The following VPS8 variants were observed in gnomAD, a reference collection of about 807,000 sequenced individuals.
VPS8 encodes the protein VPS8 subunit of CORVET complex.
VPS8 carries 129 observed loss-of-function variants against 216.4 expected under a neutral mutation model. The observed-to-expected ratio is 0.60, with a 90% CI of 0.52 to 0.69. The LOEUF is 0.69. VPS8 is among the 30% of genes least tolerant of loss of function. VPS8 has a pLI of 0.00. For synonymous variants in VPS8, 571 were observed against 565.4 expected (o/e 1.01, Z -0.14); for missense variants, 1,531 against 1,683.5 (o/e 0.91, Z 1.59).
chr3:184,877,366 T>G lies in VPS8; in HGVS notation c.1734+6561T>G, dbSNP rs1386467227. On this transcript the variant is annotated intron_variant, in intron 21 of 47. Transcript: ENST00000625842. ...TGCCCAGCATCTGGTTCAGTGTCCTTGATAAATAGTTGTTGAGAGAATTTT... is the reference window on the plus strand; with the variant it reads ...TGCCCAGCATCTGGTTCAGTGTCCTGGATAAATAGTTGTTGAGAGAATTTT... Among the ~76,000 whole-genome samples the G allele has an allele frequency of 2.0e-5, 3 of 152,220 alleles. No individual in the cohort carries two copies. The East Asian group carries it at 5.8e-4, about 29-fold the overall frequency.
chr3:185,046,756 T>C (rs547669252), intron 46 of VPS8, among the ~76,000 whole-genome samples: 1 of 152,228 alleles, frequency 6.6e-6, no homozygotes, highest in Non-Finnish European at 1.5e-5. Context: ...AAACTGAGAC[T>C]GAGAGAAGCT....
intron 3 of VPS8, among the ~76,000 whole-genome samples, chr3:184,830,454 T>TCA (rs3040915): frequency 0.095 from 14,075 of 147,740 alleles, 765 homozygotes; most frequent in African/African-American, 0.15. Flanking sequence ...GTTTATCAGT[T>TCA]CACACACACA....
At position 185,023,749 on chromosome 3, in the gene VPS8, A is replaced by G. The variant is rs533691032; in HGVS notation, c.4003-587A>G. ...CCTTTTAACCTATTTGAGCCTTCAT[A>G]TTTAGATGGTGTTTCTTGTAGGCAG... On this transcript the variant is annotated intron_variant, in intron 45 of 47. Coordinates refer to ENST00000625842, the MANE Select transcript of VPS8 (RefSeq NM_001009921.3). Among the ~76,000 whole-genome samples the G allele has an allele frequency of 8.5e-5, 13 of 152,308 alleles. No individual in the cohort carries two copies. The South Asian group carries it at 2.7e-3, about 32-fold the overall frequency.
intron 46 of VPS8, among the ~76,000 whole-genome samples, chr3:185,045,513 G>T (rs965455496): frequency 6.6e-6 from 1 of 152,044 alleles, no homozygotes; most frequent in African/African-American, 2.4e-5. Flanking sequence ...ACTCATGCCT[G>T]TAATCCCAGC....
At chr3:185,047,301 A>G (rs368421954) in intron 46 of VPS8, among the ~76,000 whole-genome samples, 1 of 152,278 alleles carries the variant, frequency 6.6e-6, no homozygotes, top group East Asian at 1.9e-4. Flanking sequence ...TGTGTGCATT[A>G]CCTTCTTGAA....
intron 35 of VPS8, among the ~76,000 whole-genome samples, chr3:184,939,695 T>C (rs912455730): frequency 6.6e-6 from 1 of 152,202 alleles, no homozygotes; most frequent in Non-Finnish European, 1.5e-5. Context: ...TGCAGTTTGA[T>C]TGGCATCTCT....
At chr3:184,846,315 C>A (rs1246084979) in intron 8 of VPS8, among the ~76,000 whole-genome samples, 1 of 152,142 alleles carries the variant, frequency 6.6e-6, no homozygotes. Flanking sequence ...TAATTTACTT[C>A]CCTGTCTTAG....
rs774174468 is a variant in VPS8, at chr3:184,870,742, A to T, written c.1671A>T (p.Ala557=). The change falls in exon 21 of 48, where the codon GCA becomes GCT. Residue 557 remains alanine (A), a synonymous_variant. Coordinates refer to ENST00000625842, the MANE Select transcript of VPS8 (RefSeq NM_001009921.3). ...TGGTAGAAATCCTATTCCATTATGCAGATCGAGCTCTGAAAAAGTGCCCAG... is the reference window on the plus strand; with the variant it reads ...TGGTAGAAATCCTATTCCATTATGCTGATCGAGCTCTGAAAAAGTGCCCAG... ...DRMVEILFHY[A]DRALKKCPDQ... 6 of 1,612,438 alleles carry T rather than the reference A, an allele frequency of 3.7e-6. No individual in the cohort carries two copies. The highest frequency in any genetic ancestry group is 5.1e-6 in the Non-Finnish European group (6 of 1,179,168).
chr3:185,044,888 C>A (rs962506412), intron 46 of VPS8, among the ~76,000 whole-genome samples: 2 of 152,170 alleles, frequency 1.3e-5, no homozygotes, highest in Non-Finnish European at 2.9e-5. Context: ...TGAGAGCAAA[C>A]TGTGTTGTGG....
chr3:184,967,304 G>A (rs138119642), intron 39 of VPS8, among the ~76,000 whole-genome samples: 10 of 152,146 alleles, frequency 6.6e-5, no homozygotes, highest in Non-Finnish European at 1.5e-4. Context: ...ACAAAAGTAT[G>A]GTTTAGTTAT....
Position 184,996,397 on chromosome 3 carries a change from A to C in VPS8, c.3732A>C (p.Arg1244Ser), listed in dbSNP as rs1752618560. The change falls in exon 44 of 48, where the codon AGA becomes AGC. Residue 1244 changes from arginine to serine, a missense_variant. By Grantham distance (110) the Arg-to-Ser change is moderately radical. This residue lies in a region of VPS8 where 1,318 missense variants were observed against 1,468.4 expected (regional missense o/e 0.90). Transcript: ENST00000625842. ...TCCATTGGTCATTGTGTAACCTGAG[A>C]GCTTCGGTCACCAGAGGACTGAATC... ...QDLHWSLCNL[R>S]ASVTRGLNPK... The C allele has an allele frequency of 6.8e-6, 11 of 1,613,954 alleles. No individual in the cohort carries two copies. Among genetic ancestry groups the C allele is most frequent in the Non-Finnish European group, 9.3e-6 (11 of 1,179,854 alleles).
intron 1 of VPS8, among the ~76,000 whole-genome samples, chr3:184,822,842 T>C (rs11925545): frequency 1.3e-5 from 2 of 152,210 alleles, no homozygotes; most frequent in African/African-American, 4.8e-5. Flanking sequence ...GAAAGATACT[T>C]TAAAATGTTG....
intron 45 of VPS8, among the ~76,000 whole-genome samples, chr3:185,002,826 C>T (rs1753597269): frequency 6.6e-6 from 1 of 152,040 alleles, no homozygotes; most frequent in African/African-American, 2.4e-5. Context: ...GTATGTATAC[C>T]ACATTTCTTT....
At chr3:184,878,851 G>A (rs191873268) in intron 21 of VPS8, among the ~76,000 whole-genome samples, 16 of 152,308 alleles carry the variant, frequency 1.1e-4, no homozygotes, top group Admixed American at 2.6e-4. Context: ...GGGGATACCA[G>A]CTGCCTAGCT....
chr3:184,894,261 TTTTG>T (rs1451747223), intron 22 of VPS8, among the ~76,000 whole-genome samples: 1 of 152,078 alleles, frequency 6.6e-6, no homozygotes, highest in African/African-American at 2.4e-5. Flanking sequence ...TGAGTAGTCC[TTTTG>T]TTTTTTTCCT....
intron 21 of VPS8, among the ~76,000 whole-genome samples, chr3:184,872,848 C>T (rs1208839614): frequency 6.6e-6 from 1 of 151,946 alleles, no homozygotes; most frequent in Non-Finnish European, 1.5e-5. Context: ...TCACAAGGAA[C>T]AGGAAATTCT....
At position 184,852,579 on chromosome 3, in the gene VPS8, G is replaced by GTGGACAT; in HGVS notation, c.821+14_821+20dup. 6.2e-7 allele frequency: 1 copy of GTGGACAT among 1,610,614 alleles called. No individual in the cohort carries two copies. Among genetic ancestry groups the GTGGACAT allele is most frequent in the Non-Finnish European group, 8.5e-7 (1 of 1,178,478 alleles). ...GAATTGACATTTAAGTAAGAGACTA[G>GTGGACAT]TGGACATTTGTTGACAAATGAAAAG... On this transcript the variant is annotated intron_variant, in intron 11 of 47. Transcript: ENST00000625842.
At chr3:184,814,913 T>G (rs1468949470) in intron 1 of VPS8, among the ~76,000 whole-genome samples, 1 of 152,272 alleles carries the variant, frequency 6.6e-6, no homozygotes. Flanking sequence ...AAACTTAGCT[T>G]AAAATACAAA....
At chr3:185,012,329 A>G (rs937728181) in intron 45 of VPS8, among the ~76,000 whole-genome samples, 10 of 147,776 alleles carry the variant, frequency 6.8e-5, no homozygotes, top group African/African-American at 2.0e-4. Context: ...ATATATGGAT[A>G]TAATGTACAT....
Sources: gnomAD v4.1 joint callset for allele counts (sites outside exome capture counted in the v4.1 genomes callset) on GRCh38, gnomAD v4.1.1 for gene constraint, gnomAD v4.1.1 regional missense constraint, MANE v1.5 for transcripts, NCBI Gene and HGNC (gene_info 2026-07-23, HGNC 2026-07-21) for gene names.